Variants in DNAH5 observed in about 807,000 individuals in gnomAD.
The protein encoded by DNAH5 is axonemal beta dynein heavy chain 5.
DNAH5 carries 372 observed loss-of-function variants against 518.2 expected under a neutral mutation model. That is an observed-to-expected ratio of 0.72 (90% CI 0.66 to 0.78). The LOEUF is 0.78. DNAH5 is among the 30% of genes least tolerant of loss of function. The pLI, the probability that DNAH5 is intolerant of heterozygous loss-of-function variation, is 0.00. For synonymous variants in DNAH5, 2,039 were observed against 2,025.9 expected, an observed-to-expected ratio of 1.01 and a Z score of -0.17; for missense variants, 5,523 against 5,687.0, an observed-to-expected ratio of 0.97 and a Z score of 0.93.
chr5:13,780,463 C>T (rs183514362), intron 53 of DNAH5, among the ~76,000 whole-genome samples: 158 of 152,232 alleles, frequency 1.0e-3, no homozygotes, highest in African/African-American at 3.6e-3. Flanking sequence ...ATGAGTAAAC[C>T]AATATAAAAT....
At chr5:13,768,413 G>C (rs1431754453) in intron 58 of DNAH5, among the ~76,000 whole-genome samples, 1 of 152,136 alleles carries the variant, frequency 6.6e-6, no homozygotes. Flanking sequence ...TCAATTAAAC[G>C]TCTTTTGTTT....
chr5:13,769,550 A>G lies in DNAH5; in HGVS notation c.9671T>C (p.Leu3224Pro). Reference sequence around the variant, plus strand: ...TTGTAGCTCCTTTTCTTTCGCTTCCAGTTCTTTACTCAAGGCTGCAACAGA... The same window carrying G: ...TTGTAGCTCCTTTTCTTTCGCTTCCGGTTCTTTACTCAAGGCTGCAACAGA... The part of the protein sequence containing the change: ...SESVAALSKE[L>P]EAKEKELQVA... The change falls in exon 57 of 79, where the codon CTG (leucine) becomes CCG (proline). Residue 3224 changes from leucine (L) to proline (P), a missense_variant. Leu to Pro is a moderately conservative substitution (Grantham distance 98). Coordinates refer to ENST00000265104, the MANE Select transcript of DNAH5 (RefSeq NM_001369.3). The G allele has an allele frequency of 6.2e-7, 1 of 1,614,050 alleles. No individual in the cohort carries two copies. Among genetic ancestry groups the G allele is most frequent in the East Asian group, 2.2e-5 (1 of 44,884 alleles).
At chr5:13,715,793 C>A (rs531749426) in intron 74 of DNAH5, among the ~76,000 whole-genome samples, 1 of 152,318 alleles carries the variant, frequency 6.6e-6, no homozygotes, top group Admixed American at 6.5e-5. Flanking sequence ...TGCTTCTCAA[C>A]AAGCGACAAT....
intron 68 of DNAH5, among the ~76,000 whole-genome samples, chr5:13,731,062 T>A (rs79158824): frequency 0.011 from 1,630 of 152,292 alleles, 22 homozygotes; most frequent in African/African-American, 0.037. Flanking sequence ...AAATCTTTGT[T>A]TGAACAGAGT....
At chr5:13,733,747 G>A (rs1200479880) in intron 68 of DNAH5, among the ~76,000 whole-genome samples, 2 of 151,962 alleles carry the variant, frequency 1.3e-5, no homozygotes, top group East Asian at 3.9e-4. Context: ...ATATGAAAAT[G>A]CATTTGCATA....
intron 23 of DNAH5, among the ~76,000 whole-genome samples, chr5:13,871,294 A>G (rs918032293): frequency 2.6e-5 from 4 of 152,212 alleles, no homozygotes; most frequent in African/African-American, 9.6e-5. Flanking sequence ...TTATTAAACA[A>G]AGGGTAAATT....
intron 55 of DNAH5, among the ~76,000 whole-genome samples, chr5:13,772,251 G>GC (rs1753448295): frequency 6.6e-6 from 1 of 152,114 alleles, no homozygotes; most frequent in Non-Finnish European, 1.5e-5. Flanking sequence ...TCGGGGAAGT[G>GC]CCCGCTTTCT....
intron 70 of DNAH5, among the ~76,000 whole-genome samples, chr5:13,726,454 A>G (rs1297440980): frequency 2.6e-5 from 4 of 152,238 alleles, no homozygotes; most frequent in Admixed American, 2.6e-4. Flanking sequence ...AAAGTTACAA[A>G]AAAGAGTTAC....
At chr5:13,976,345 G>T (rs892162014) in intron 1 of DNAH5, among the ~76,000 whole-genome samples, 1 of 152,212 alleles carries the variant, frequency 6.6e-6, no homozygotes, top group East Asian at 1.9e-4. Context: ...GTTTTAAATT[G>T]TACACTATAC....
At chr5:13,842,463 GAAA>G (rs1437677119) in intron 32 of DNAH5, among the ~76,000 whole-genome samples, 2 of 104,728 alleles carry the variant, frequency 1.9e-5, no homozygotes, top group Non-Finnish European at 3.9e-5. Flanking sequence ...AAGAAAGAAA[GAAA>G]GAAAGAAAGA....
intron 1 of DNAH5, among the ~76,000 whole-genome samples, chr5:14,010,583 C>T (rs957034475): frequency 6.6e-5 from 10 of 152,056 alleles, no homozygotes; most frequent in African/African-American, 2.4e-4. Flanking sequence ...AGAACAGTCA[C>T]TTGAAATACT....
At position 13,808,890 on chromosome 5, in the gene DNAH5, G is replaced by C. The variant is rs552196976; in HGVS notation, c.7752+154C>G. 3.0e-3 allele frequency among the ~76,000 whole-genome samples: 457 copies of C among 152,162 alleles called. 4 individuals carry two copies. Among genetic ancestry groups the C allele is most frequent in the African/African-American group, 0.011 (441 of 41,514 alleles). On this transcript the variant is annotated intron_variant, in intron 46 of 78. Transcript: ENST00000265104. Reference sequence around the variant, plus strand: ...CAGGAGAATGGCGTGAACCCGGGAGGTGGAGCCTGCAGTGAGCCGAGATCG... The same window carrying C: ...CAGGAGAATGGCGTGAACCCGGGAGCTGGAGCCTGCAGTGAGCCGAGATCG...
chr5:13,700,956 G>A lies in DNAH5; in HGVS notation c.13492-85C>T, dbSNP rs79224553. On this transcript the variant is annotated intron_variant, in intron 77 of 78. Coordinates refer to ENST00000265104, the MANE Select transcript of DNAH5 (RefSeq NM_001369.3). The stretch of plus-strand genomic sequence containing the variant: ...ATAACAATAATGAAAGCTTGGCTCC[G>A]AATCACTCTAACTCGAAGGACGTAC... The A allele has an allele frequency of 7.4e-3, 10,264 of 1,378,362 alleles. 585 individuals carry two copies. The African/African-American group carries it at 0.13, about 17-fold the overall frequency. 85.4% of individuals were successfully genotyped at this position (1,378,362 alleles called of 1,614,324 possible). A position where few individuals can be genotyped will look rare whatever the true frequency, so the allele number is the denominator to read the frequency against.
rs1398835710 is a variant in DNAH5 at position 13,762,807 on chromosome 5, A to G, written c.10196T>C (p.Val3399Ala). 5 of 1,614,004 alleles carry G rather than the reference A, an allele frequency of 3.1e-6. No homozygotes were observed. In the African/African-American group the frequency reaches 6.7e-5, roughly 22 times the overall value. ...ACAAAGACCAGCTACATTTCCACAT[A>G]CGCGTTTAGCAGTTTCGATGTTATA... is the stretch of plus-strand genomic sequence containing the variant. ...PDYNIETAKR[V>A]CGNVAGLCSW... Residue 3399 changes from valine to alanine, a missense_variant, in exon 60 of 79, where the codon GTA becomes GCA. Coordinates refer to ENST00000265104, the MANE Select transcript of DNAH5 (RefSeq NM_001369.3).
chr5:13,779,479 T>C (rs951040724), intron 53 of DNAH5, among the ~76,000 whole-genome samples: 2 of 152,184 alleles, frequency 1.3e-5, no homozygotes, highest in Admixed American at 1.3e-4. Flanking sequence ...CAGCATGTTC[T>C]GCTTATCAGT....
chr5:13,893,532 T>G (rs1431360736), intron 16 of DNAH5, among the ~76,000 whole-genome samples: 1 of 152,138 alleles, frequency 6.6e-6, no homozygotes, highest in Non-Finnish European at 1.5e-5. Context: ...GTAACACCAT[T>G]TTGTATCCCA....
chr5:13,749,338 A>G (rs1408469605), intron 65 of DNAH5, among the ~76,000 whole-genome samples: 2 of 152,198 alleles, frequency 1.3e-5, no homozygotes, highest in African/African-American at 4.8e-5. Context: ...ATGAGATAAT[A>G]TTAAAGGAGT....
In DNAH5 at chr5:13,714,470, C is replaced by A. The variant is rs1157407573; in HGVS notation, c.13060G>T (p.Ala4354Ser). The change falls in exon 75 of 79, where the codon GCG (alanine) becomes TCG (serine). Residue 4354 changes from alanine to serine, a missense_variant. Physicochemically the swap from Ala to Ser is moderately conservative, Grantham distance 99 (BLOSUM62 1). Coordinates refer to ENST00000265104, the MANE Select transcript of DNAH5 (RefSeq NM_001369.3). ...TSGGGDETREAVVARLADDML... is the reference protein window; with the variant it reads ...TSGGGDETRESVVARLADDML... ...TCATCAGCCAGCCGGGCCACCACCG[C>A]CTCCCGGGTCTCATCCCCTCCACCA... is the stretch of plus-strand genomic sequence containing the variant. 2 of 1,614,026 alleles carry A rather than the reference C, an allele frequency of 1.2e-6. No individual in the cohort carries two copies. Among genetic ancestry groups the A allele is most frequent in the African/African-American group, 2.7e-5 (2 of 74,922 alleles).
chr5:14,011,000 T>TA (rs35413406), intron 1 of DNAH5, among the ~76,000 whole-genome samples: 196 of 142,776 alleles, frequency 1.4e-3, no homozygotes, highest in Middle Eastern at 3.5e-3. Flanking sequence ...AATATTCACT[T>TA]AAAAAAAAAA....
Sources: allele counts gnomAD v4.1 joint callset (sites outside exome capture counted in the v4.1 genomes callset), GRCh38; gene constraint gnomAD v4.1.1; transcripts MANE v1.5; gene names NCBI Gene and HGNC (gene_info 2026-07-23, HGNC 2026-07-21).